The following MIAT variants were observed in gnomAD, a reference collection of about 807,000 sequenced individuals.
MIAT encodes the protein MI related novel mRNA.
At chr22:26,662,188 C>T (rs1325913197) in intron 2 of MIAT, among the ~76,000 whole-genome samples, 1 of 151,962 alleles carries the variant, frequency 6.6e-6, no homozygotes, top group Non-Finnish European at 1.5e-5. Flanking sequence ...AACTCCTGGC[C>T]TCAAGCAATT....
chr22:26,653,506 C>T (rs887826010), intron 2 of MIAT, among the ~76,000 whole-genome samples: 1 of 152,114 alleles, frequency 6.6e-6, no homozygotes, highest in African/African-American at 2.4e-5. Flanking sequence ...GGGGCCTTTT[C>T]CCATTCCTGT....
At chr22:26,663,756 T>C (rs1451496758) in intron 3 of MIAT, among the ~76,000 whole-genome samples, 4 of 152,128 alleles carry the variant, frequency 2.6e-5, no homozygotes. Flanking sequence ...TACAAGGAAA[T>C]GCACCCGTTT....
intron 2 of MIAT, among the ~76,000 whole-genome samples, chr22:26,653,576 G>C (rs2145998817): frequency 6.6e-6 from 1 of 152,254 alleles, no homozygotes; most frequent in East Asian, 1.9e-4. Context: ...CAATCACGTA[G>C]TTTTTAAAAA....
intron 2 of MIAT, among the ~76,000 whole-genome samples, chr22:26,648,730 C>T (rs1024982211): frequency 2.6e-5 from 4 of 152,176 alleles, no homozygotes; most frequent in Non-Finnish European, 5.9e-5. Context: ...CATCTGCTCA[C>T]GCAGAAAGAA....
At chr22:26,665,247 AAAAGAAAGAAAGAAAGAAAGAAAG>A (rs10529015) in intron 3 of MIAT, among the ~76,000 whole-genome samples, 5 of 144,156 alleles carry the variant, frequency 3.5e-5, no homozygotes, top group Non-Finnish European at 7.5e-5. Flanking sequence ...TCTCCAGAAA[AAAAGAAAGAAAGAAAGAAAGAAAG>A]AAAGAAAGAA....
At chr22:26,655,895 G>A (rs1285606485) in intron 2 of MIAT, 1 of 152,250 alleles carries the variant, frequency 6.6e-6, no homozygotes, top group African/African-American at 2.4e-5. Context: ...TGTTGCCCAG[G>A]CTGGTCTGGA....
chr22:26,657,990 T>G (rs1214780236), intron 2 of MIAT, among the ~76,000 whole-genome samples: 9 of 134,650 alleles, frequency 6.7e-5, no homozygotes, highest in African/African-American at 2.5e-4. Flanking sequence ...AGACACAATT[T>G]GGGAGGTGGA....
chr22:26,659,698 A>C (rs774124553), intron 2 of MIAT, among the ~76,000 whole-genome samples: 26 of 151,848 alleles, frequency 1.7e-4, no homozygotes, highest in Non-Finnish European at 2.4e-4. Context: ...AAAATAAATG[A>C]GAATTTTTAT....
downstream of MIAT, chr22:26,674,206 A>G (rs571373530): frequency 2.5e-6 from 1 of 398,628 alleles, no homozygotes; most frequent in South Asian, 1.3e-4. Context: ...TTCCTGTTCT[A>G]ACTTTTAGCT....
chr22:26,673,037 C>G (rs1931113574), downstream of MIAT: 1 of 398,666 alleles, frequency 2.5e-6, no homozygotes, highest in African/African-American at 2.1e-5. Flanking sequence ...AGATCCGTCC[C>G]ATTCCCGGAA....
downstream of MIAT, chr22:26,672,217 C>T: frequency 2.5e-6 from 1 of 399,326 alleles, no homozygotes; most frequent in Admixed American, 4.4e-5. Flanking sequence ...GTTTTCTCTT[C>T]TTACTAACCC....
chr22:26,670,193 C>T (rs1329029897), downstream of MIAT: 9 of 398,180 alleles, frequency 2.3e-5, no homozygotes, highest in Non-Finnish European at 3.5e-5. Flanking sequence ...CATTTCATGG[C>T]CTCCGTAGTA....
chr22:26,651,219 T>C (rs1227603968), intron 2 of MIAT, among the ~76,000 whole-genome samples: 1 of 152,192 alleles, frequency 6.6e-6, no homozygotes. Context: ...TCACCACAGG[T>C]AAAGATGGCC....
chr22:26,652,674 A>G lies in MIAT; in HGVS notation n.646+5363A>G, dbSNP rs1160526209. ...CCTGGCCCTCTCTCTCTTTTTTTAA[A>G]GAGGCACCCAGTGGGCTGATAACAG... On this transcript the variant is annotated intron_variant and non_coding_transcript_variant, in intron 2 of 5. Transcript: ENST00000643270. Among the ~76,000 whole-genome samples, 3 of 152,156 alleles carry G rather than the reference A, an allele frequency of 2.0e-5. No individual in the cohort carries two copies. The East Asian group carries it at 5.8e-4, about 29-fold the overall frequency.
At chr22:26,655,182 G>T (rs1362649737) in intron 2 of MIAT, among the ~76,000 whole-genome samples, 1 of 152,180 alleles carries the variant, frequency 6.6e-6, no homozygotes, top group Admixed American at 6.5e-5. Flanking sequence ...AGGAGGCTGT[G>T]TCTAAAGCCT....
intron 2 of MIAT, among the ~76,000 whole-genome samples, chr22:26,660,055 CG>C (rs1318605905): frequency 6.6e-6 from 1 of 150,424 alleles, no homozygotes; most frequent in Non-Finnish European, 1.5e-5. Flanking sequence ...AGGCTGGTCT[CG>C]AACTCCTCAC....
intron 2 of MIAT, among the ~76,000 whole-genome samples, chr22:26,662,907 GATA>G (rs1253048995): frequency 2.6e-5 from 4 of 152,154 alleles, no homozygotes; most frequent in South Asian, 2.1e-4. Context: ...TGTGGTCAGT[GATA>G]ATAATAATAA....
At chr22:26,674,344 A>G (rs539604381), downstream of MIAT, 101 of 398,644 alleles carry the variant, frequency 2.5e-4, no homozygotes, top group Admixed American at 4.0e-4. Flanking sequence ...GAGCATACGC[A>G]AGGGATTCCA....
intron 3 of MIAT, chr22:26,665,320 A>G (rs1420219968): frequency 5.1e-6 from 2 of 393,122 alleles, no homozygotes; most frequent in Admixed American, 4.5e-5. Context: ...CACATTGAGT[A>G]CGTAGGAGTG....
Sources: allele counts gnomAD v4.1 joint callset (sites outside exome capture counted in the v4.1 genomes callset), GRCh38; gene constraint gnomAD v4.1.1; transcripts MANE v1.5; gene names NCBI Gene and HGNC (gene_info 2026-07-23, HGNC 2026-07-21).